RNLS: variants seen among roughly 807,000 people sequenced by gnomAD.
The protein encoded by RNLS is renalase.
Under a neutral mutation model 39.8 loss-of-function variants are expected in RNLS, and 39 were observed. That is an observed-to-expected ratio of 0.98 (90% CI 0.76 to 1.28). The LOEUF (loss-of-function observed/expected upper bound fraction) is 1.28. Among genes scored for constraint, RNLS ranks in the 50% most tolerant of loss-of-function variants. The pLI, the probability that RNLS is intolerant of heterozygous loss-of-function variation, is 0.00. For synonymous variants in RNLS, 147 were observed against 150.7 expected (o/e 0.98, Z 0.18); for missense variants, 410 against 413.3 (o/e 0.99, Z 0.07).
At chr10:88,198,414 A>C in the RNLS span, among the ~76,000 whole-genome samples, 1 of 152,156 alleles carries the variant, frequency 6.6e-6, no homozygotes, top group African/African-American at 2.4e-5. Flanking sequence ...AAAACAATAC[A>C]TTGCTTTGGT....
intron 6 of RNLS, among the ~76,000 whole-genome samples, chr10:88,293,974 C>G (rs1696194692): frequency 6.6e-6 from 1 of 152,130 alleles, no homozygotes; most frequent in Admixed American, 6.6e-5. Flanking sequence ...AAATATTACT[C>G]TAGATAAAAC....
the RNLS span, among the ~76,000 whole-genome samples, chr10:88,172,148 T>A: frequency 6.6e-6 from 1 of 152,190 alleles, no homozygotes; most frequent in Non-Finnish European, 1.5e-5. Flanking sequence ...GGTACATATA[T>A]CTCTTCAATA....
At chr10:88,467,299 AT>A (rs1415236402) in intron 4 of RNLS, among the ~76,000 whole-genome samples, 3 of 152,116 alleles carry the variant, frequency 2.0e-5, no homozygotes, top group African/African-American at 7.2e-5. Context: ...ATTAAAAAAA[AT>A]AAATAAAAGA....
rs576118388 is a variant in RNLS, at chr10:88,431,659, T to C, written c.527-68934A>G. Among the ~76,000 whole-genome samples the C allele has an allele frequency of 6.7e-4, 102 of 151,864 alleles. 1 individual carries two copies. Among genetic ancestry groups the C allele is most frequent in the African/African-American group, 2.3e-3 (95 of 41,536 alleles). ...TGGTTTAGCAGTATCCCAGAAATTC[T>C]GATACGTTGTATTTTCGCATTAATT... On this transcript the variant is annotated intron_variant, in intron 4 of 6. Coordinates refer to ENST00000331772, the MANE Select transcript of RNLS (RefSeq NM_001031709.3).
chr10:88,548,261 C>CAAAAA (rs869175046), intron 4 of RNLS, among the ~76,000 whole-genome samples: 506 of 32,424 alleles, frequency 0.016, 3 homozygotes, highest in Non-Finnish European at 0.02. Flanking sequence ...GACTCCGTCT[C>CAAAAA]AAAAAAAAAA....
At chr10:88,331,141 T>C (rs1185246173) in intron 5 of RNLS, among the ~76,000 whole-genome samples, 1 of 152,234 alleles carries the variant, frequency 6.6e-6, no homozygotes, top group Non-Finnish European at 1.5e-5. Context: ...CCTTCTTAGG[T>C]ATACAGCATC....
intron 4 of RNLS, among the ~76,000 whole-genome samples, chr10:88,536,365 C>T (rs894135953): frequency 2.0e-5 from 3 of 152,202 alleles, no homozygotes; most frequent in African/African-American, 7.2e-5. Context: ...TAATTTCTCG[C>T]TTGAATCACT....
At chr10:88,422,297 T>C (rs1232752437) in intron 4 of RNLS, among the ~76,000 whole-genome samples, 1 of 152,190 alleles carries the variant, frequency 6.6e-6, no homozygotes, top group African/African-American at 2.4e-5. Context: ...CCATTTTATA[T>C]GGAAGGATGG....
At chr10:88,498,761 A>C (rs1004069183) in intron 4 of RNLS, among the ~76,000 whole-genome samples, 2 of 151,950 alleles carry the variant, frequency 1.3e-5, no homozygotes, top group African/African-American at 4.8e-5. Context: ...AAGAAAGACT[A>C]ATGTGTGTAT....
intron 4 of RNLS, among the ~76,000 whole-genome samples, chr10:88,448,424 G>A (rs1381693274): frequency 1.3e-5 from 2 of 152,128 alleles, no homozygotes; most frequent in Non-Finnish European, 2.9e-5. Flanking sequence ...GGCCATCAGA[G>A]AAATGCAAAT....
At chr10:88,349,055 T>C (rs1456432555) in intron 5 of RNLS, among the ~76,000 whole-genome samples, 2 of 151,956 alleles carry the variant, frequency 1.3e-5, no homozygotes, top group African/African-American at 4.8e-5. Flanking sequence ...GACTATGGAG[T>C]CCTCAGTTCT....
intron 4 of RNLS, among the ~76,000 whole-genome samples, chr10:88,548,239 G>C (rs1848419752): frequency 1.1e-5 from 1 of 91,850 alleles, no homozygotes; most frequent in African/African-American, 5.4e-5. Flanking sequence ...TCCAGCCTGG[G>C]CGACAGAGCA....
Position 88,285,550 on chromosome 10 carries a change from A to T in RNLS, c.877-44T>A, listed in dbSNP as rs370303177. On this transcript the variant is annotated intron_variant, in intron 6 of 6. Coordinates refer to ENST00000331772, the MANE Select transcript of RNLS (RefSeq NM_001031709.3). ...GATTGCAATTGACATTCTGTGCTCT[A>T]TTGTGCTGTCATGGCAACACCCACC... 2.1e-5 allele frequency: 33 copies of T among 1,567,476 alleles called. No homozygotes were observed. The African/African-American group carries it at 3.2e-4, about 15-fold the overall frequency.
Position 88,438,968 on chromosome 10 carries a change from G to C in RNLS, c.527-76243C>G, listed in dbSNP as rs567847123. Among the ~76,000 whole-genome samples, 17 of 152,214 alleles carry C rather than the reference G, an allele frequency of 1.1e-4. No homozygotes were observed. The South Asian group carries it at 1.2e-3, about 11-fold the overall frequency. ...ACAAGTAACTGACTGATATCACCGG[G>C]GGCGGGTGGGAGTGGGGGCGCCTTA... On this transcript the variant is annotated intron_variant, in intron 4 of 6. Transcript: ENST00000331772.
At chr10:88,241,052 A>C in the RNLS span, among the ~76,000 whole-genome samples, 5 of 151,314 alleles carry the variant, frequency 3.3e-5, no homozygotes, top group African/African-American at 1.2e-4. Context: ...TGATATTTAT[A>C]TATATATTCC....
the RNLS span, among the ~76,000 whole-genome samples, chr10:88,251,750 T>G: frequency 2.6e-5 from 4 of 152,240 alleles, no homozygotes; most frequent in African/African-American, 4.8e-5. Flanking sequence ...TTCTTGTGAC[T>G]TAACTATGTG....
intron 4 of RNLS, among the ~76,000 whole-genome samples, chr10:88,547,541 T>G (rs905729695): frequency 2.0e-5 from 3 of 152,222 alleles, no homozygotes; most frequent in Non-Finnish European, 2.9e-5. Flanking sequence ...ATTTTGGTTT[T>G]TCTAGTTATG....
At chr10:88,209,233 C>T in the RNLS span, among the ~76,000 whole-genome samples, 2 of 152,014 alleles carry the variant, frequency 1.3e-5, no homozygotes, top group Admixed American at 6.6e-5. Flanking sequence ...TCATGGCCAT[C>T]CAGAACCTGT....
intron 5 of RNLS, among the ~76,000 whole-genome samples, chr10:88,328,670 C>A (rs1846836125): frequency 6.6e-6 from 1 of 152,096 alleles, no homozygotes; most frequent in South Asian, 2.1e-4. Context: ...TGAAAGTGAA[C>A]AAATACCTTT....
Sources: allele counts gnomAD v4.1 joint callset (sites outside exome capture counted in the v4.1 genomes callset), GRCh38; gene constraint gnomAD v4.1.1; transcripts MANE v1.5; gene names NCBI Gene and HGNC (gene_info 2026-07-23, HGNC 2026-07-21).